ACER1: variants seen among roughly 807,000 people sequenced by gnomAD.
ACER1 encodes CTB-180A7.3.
Under a neutral mutation model 24.9 loss-of-function variants are expected in ACER1, and 28 were observed. The observed-to-expected ratio is 1.13, with a 90% CI of 0.83 to 1.54. The LOEUF is 1.54. Among genes scored for constraint, ACER1 ranks in the 40% most tolerant of loss-of-function variants. ACER1 has a pLI of 0.00. For missense variants in ACER1, 352 were observed against 349.3 expected (o/e 1.01, Z -0.06); for synonymous variants, 132 against 131.4 (o/e 1.00, Z -0.03).
the ACER1 span, among the ~76,000 whole-genome samples, chr19:6,356,805 G>T: frequency 6.6e-6 from 1 of 152,202 alleles, no homozygotes; most frequent in Non-Finnish European, 1.5e-5. Flanking sequence ...GACTGAGGTT[G>T]GGAGGATTCA....
intron 1 of ACER1, among the ~76,000 whole-genome samples, chr19:6,315,474 G>C (rs1372615710): frequency 6.6e-6 from 1 of 151,976 alleles, no homozygotes; most frequent in Non-Finnish European, 1.5e-5. Context: ...CCGCCTCCCG[G>C]GTTCATGCCA....
chr19:6,326,853 C>G (rs1032782674), intron 1 of ACER1, among the ~76,000 whole-genome samples: 1 of 148,406 alleles, frequency 6.7e-6, no homozygotes, highest in Admixed American at 6.9e-5. Context: ...ACCAAGCATG[C>G]GAACCGTTAC....
the ACER1 span, among the ~76,000 whole-genome samples, chr19:6,356,791 G>C: frequency 6.6e-6 from 1 of 151,894 alleles, no homozygotes; most frequent in Non-Finnish European, 1.5e-5. Context: ...CCAGCTACTT[G>C]GTAGACTGAG....
chr19:6,342,660 A>G, the ACER1 span, among the ~76,000 whole-genome samples: 8,572 of 148,776 alleles, frequency 0.058, 405 homozygotes, highest in African/African-American at 0.13. Flanking sequence ...TGGAGCTTGC[A>G]GTGAGCCAAG....
the ACER1 span, among the ~76,000 whole-genome samples, chr19:6,346,526 T>C: frequency 1.3e-5 from 2 of 150,262 alleles, no homozygotes; most frequent in Non-Finnish European, 3.0e-5. Context: ...TTTCTTTTTT[T>C]TTTTTTTTGA....
chr19:6,316,784 C>A (rs1368751444), intron 1 of ACER1, among the ~76,000 whole-genome samples: 1 of 145,572 alleles, frequency 6.9e-6, no homozygotes, highest in Non-Finnish European at 1.5e-5. Context: ...CGCACCACTG[C>A]ACACCAGTCT....
At chr19:6,332,960 C>T (rs374088431) in intron 1 of ACER1, among the ~76,000 whole-genome samples, 6 of 152,216 alleles carry the variant, frequency 3.9e-5, no homozygotes, top group South Asian at 2.1e-4. Context: ...TGAGCCACCG[C>T]GCCCAGCCAA....
intron 1 of ACER1, among the ~76,000 whole-genome samples, chr19:6,317,152 T>C (rs970602757): frequency 6.6e-6 from 1 of 151,874 alleles, no homozygotes; most frequent in African/African-American, 2.4e-5. Flanking sequence ...TTTTGTATTT[T>C]TAGTAGAGAC....
intron 4 of ACER1, among the ~76,000 whole-genome samples, 178 bp downstream of exon 4, chr19:6,309,519 C>T (rs1182380725): frequency 1.3e-5 from 2 of 151,224 alleles, no homozygotes; most frequent in Admixed American, 1.3e-4. Flanking sequence ...GAGGATCCGT[C>T]TCAAGAAAAA....
At chr19:6,357,842 G>A in the ACER1 span, among the ~76,000 whole-genome samples, 84 of 152,232 alleles carry the variant, frequency 5.5e-4, 1 homozygote, top group South Asian at 9.5e-3. Flanking sequence ...TCACAGTGAC[G>A]TGGGTGATAC....
intron 1 of ACER1, among the ~76,000 whole-genome samples, chr19:6,314,354 C>T (rs1227093439): frequency 2.0e-5 from 3 of 151,150 alleles, no homozygotes; most frequent in Non-Finnish European, 2.9e-5. Flanking sequence ...CCTGTAATCC[C>T]AGCTACTTGG....
intron 1 of ACER1, among the ~76,000 whole-genome samples, chr19:6,332,260 C>T (rs945086215): frequency 6.8e-6 from 1 of 147,320 alleles, no homozygotes; most frequent in African/African-American, 2.5e-5. Context: ...AGCCTCCGCG[C>T]CCGGCCTTTT....
intron 1 of ACER1, among the ~76,000 whole-genome samples, chr19:6,318,728 G>A (rs1338801789): frequency 1.3e-5 from 2 of 151,152 alleles, no homozygotes; most frequent in East Asian, 2.0e-4. Flanking sequence ...GGAGGTTGCA[G>A]TGAGCTGAGA....
Position 6,309,757 on chromosome 19 carries a change from G to A in ACER1, c.428C>T (p.Ala143Val), listed in dbSNP as rs1285499698. Reference protein sequence around the residue: ...LLSFLRPTVNAYALNSIALHI... With the variant: ...LLSFLRPTVNVYALNSIALHI... ...CAGGGCAATGCTGTTGAGGGCGTAGGCGTTGACCGTGGGCCGCAGGAAGGA... is the reference window on the plus strand; with the variant it reads ...CAGGGCAATGCTGTTGAGGGCGTAGACGTTGACCGTGGGCCGCAGGAAGGA... The change falls in exon 4 of 6, where the codon GCC (alanine) becomes GTC (valine). Residue 143 changes from alanine (A) to valine (V), a missense_variant. Coordinates refer to ENST00000301452, the MANE Select transcript of ACER1 (RefSeq NM_133492.3). 1.9e-6 allele frequency: 3 copies of A among 1,614,124 alleles called. No homozygotes were observed. The highest frequency in any genetic ancestry group is 1.1e-5 in the South Asian group (1 of 91,076).
chr19:6,325,074 C>T (rs1600242622), intron 1 of ACER1, among the ~76,000 whole-genome samples: 2 of 152,128 alleles, frequency 1.3e-5, no homozygotes, highest in African/African-American at 2.4e-5. Flanking sequence ...ACTTCTGTTC[C>T]TGTTGGATGA....
At chr19:6,331,389 T>C (rs1360047311) in intron 1 of ACER1, among the ~76,000 whole-genome samples, 1 of 142,592 alleles carries the variant, frequency 7.0e-6, no homozygotes, top group East Asian at 2.0e-4. Flanking sequence ...GACCTCATGA[T>C]CCACCCCCCT....
chr19:6,322,028 C>T (rs2091633605), intron 1 of ACER1, among the ~76,000 whole-genome samples: 1 of 151,832 alleles, frequency 6.6e-6, no homozygotes, highest in Non-Finnish European at 1.5e-5. Context: ...AACTCAAACC[C>T]CTCCATCAGC....
intron 4 of ACER1, among the ~76,000 whole-genome samples, chr19:6,308,013 G>A (rs2091560298): frequency 6.7e-6 from 1 of 149,048 alleles, no homozygotes; most frequent in African/African-American, 2.5e-5. Context: ...AACCCAAGAG[G>A]CGGAGGTTGC....
At chr19:6,311,616 GAGA>G (rs1412172990) in intron 3 of ACER1, among the ~76,000 whole-genome samples, 1 of 148,194 alleles carries the variant, frequency 6.7e-6, no homozygotes, top group African/African-American at 2.6e-5. Flanking sequence ...GAAGGAGAAG[GAGA>G]AGGAGGAGGA....
Sources: gnomAD v4.1 joint callset for allele counts (sites outside exome capture counted in the v4.1 genomes callset) on GRCh38, gnomAD v4.1.1 for gene constraint, MANE v1.5 for transcripts, NCBI Gene and HGNC (gene_info 2026-07-23, HGNC 2026-07-21) for gene names.